Variants in SGCD observed in about 807,000 individuals in gnomAD.
SGCD encodes sarcoglycan delta.
A neutral mutation model predicts 36.6 loss-of-function variants in SGCD; 18 were observed. That is an observed-to-expected ratio of 0.49 (90% confidence interval 0.34 to 0.73). SGCD has a LOEUF of 0.73. Among genes scored for constraint, SGCD ranks in the 30% least tolerant of loss-of-function variants. The pLI is 0.01. For missense variants in SGCD, 387 were observed against 346.7 expected (o/e 1.12, Z -0.92); for synonymous variants, 133 against 130.6 (o/e 1.02, Z -0.12).
intron 3 of SGCD, among the ~76,000 whole-genome samples, chr5:156,242,733 C>A (rs1765335725): frequency 6.6e-6 from 1 of 152,154 alleles, no homozygotes; most frequent in African/African-American, 2.4e-5. Flanking sequence ...AGGCGGACTG[C>A]CCCATGCAGG....
In SGCD at chr5:156,612,231, C is replaced by A. The variant is rs144621770; in HGVS notation, c.502+17180C>A. On this transcript the variant is annotated intron_variant, in intron 6 of 8. Transcript: ENST00000337851. ...GTGGGATAGCTTTTGAAGGGAGAGA[C>A]ATTTTCCTGTAGATGAGTCCTATGA... Among the ~76,000 whole-genome samples the A allele has an allele frequency of 2.5e-3, 375 of 152,252 alleles. 1 individual carries two copies. Among genetic ancestry groups the A allele is most frequent in the Middle Eastern group, 0.01 (3 of 294 alleles).
intron 1 of SGCD, among the ~76,000 whole-genome samples, chr5:156,104,146 C>T (rs548573660): frequency 1.3e-5 from 2 of 152,106 alleles, no homozygotes; most frequent in African/African-American, 4.8e-5. Context: ...TCTCTCTGGA[C>T]CACATACTGG....
the SGCD span, among the ~76,000 whole-genome samples, chr5:155,795,308 A>G: frequency 2.0e-5 from 3 of 152,164 alleles, no homozygotes; most frequent in Non-Finnish European, 4.4e-5. Context: ...ATAGATTAGG[A>G]GTTCATATAG....
chr5:156,389,037 A>G lies in SGCD; in HGVS notation c.192+44360A>G. On this transcript the variant is annotated intron_variant, in intron 3 of 8. Coordinates refer to ENST00000337851, the MANE Select transcript of SGCD (RefSeq NM_000337.6). ...TTATCTAGAGTAAGGCTGACACAGG[A>G]CTTATACATTGCCTCCCATCACACT... 1.3e-5 allele frequency among the ~76,000 whole-genome samples: 2 copies of G among 152,190 alleles called. 1 individual carries two copies. The highest frequency in any genetic ancestry group is 2.9e-5 in the Non-Finnish European group (2 of 68,038).
chr5:156,232,758 G>T (rs1765051384), intron 3 of SGCD, among the ~76,000 whole-genome samples: 1 of 152,096 alleles, frequency 6.6e-6, no homozygotes, highest in African/African-American at 2.4e-5. Context: ...GCAGTTGTGG[G>T]ATTCTGCCTT....
intron 1 of SGCD, among the ~76,000 whole-genome samples, chr5:156,012,808 T>C (rs888130251): frequency 4.0e-5 from 6 of 151,854 alleles, no homozygotes; most frequent in Admixed American, 6.6e-5. Context: ...GAAACGGGGT[T>C]TCACCATGTT....
chr5:156,214,954 T>C (rs377252999), intron 3 of SGCD, among the ~76,000 whole-genome samples: 1 of 152,016 alleles, frequency 6.6e-6, no homozygotes, highest in African/African-American at 2.4e-5. Context: ...AATCAAAATG[T>C]ATTAAAGTCT....
chr5:156,276,373 C>T (rs992994938), intron 3 of SGCD, among the ~76,000 whole-genome samples: 4 of 152,090 alleles, frequency 2.6e-5, no homozygotes, highest in African/African-American at 7.2e-5. Flanking sequence ...TTCAAAACCT[C>T]GACCAAGGTT....
At chr5:156,124,222 T>G (rs1389368130) in intron 3 of SGCD, among the ~76,000 whole-genome samples, 2 of 152,130 alleles carry the variant, frequency 1.3e-5, no homozygotes, top group African/African-American at 4.8e-5. Context: ...TGGTAGAAAC[T>G]GAAGGAAGCC....
At chr5:156,125,358 A>G (rs979469262) in intron 3 of SGCD, among the ~76,000 whole-genome samples, 1 of 151,834 alleles carries the variant, frequency 6.6e-6, no homozygotes, top group African/African-American at 2.4e-5. Flanking sequence ...CTGTCATTTT[A>G]TTTCTGAATT....
chr5:156,270,849 T>C (rs1766157523), intron 3 of SGCD, among the ~76,000 whole-genome samples: 1 of 152,184 alleles, frequency 6.6e-6, no homozygotes, highest in African/African-American at 2.4e-5. Flanking sequence ...TGCCTAGCAC[T>C]CTATTGTTGT....
chr5:156,739,836 C>T (rs1756577300), intron 7 of SGCD: 1 of 152,186 alleles, frequency 6.6e-6, no homozygotes, highest in Non-Finnish European at 1.5e-5. Flanking sequence ...TGTTTAACCG[C>T]TCTGAACCTC....
chr5:156,120,564 T>A (rs1289857417), intron 2 of SGCD, among the ~76,000 whole-genome samples: 3 of 152,178 alleles, frequency 2.0e-5, no homozygotes, highest in South Asian at 2.1e-4. Flanking sequence ...GATTATATAT[T>A]TCATAAACAT....
intron 3 of SGCD, among the ~76,000 whole-genome samples, chr5:156,182,622 G>A (rs1763636126): frequency 6.6e-6 from 1 of 151,878 alleles, no homozygotes; most frequent in Non-Finnish European, 1.5e-5. Context: ...AACAAGCTAG[G>A]GAATCCTGAA....
chr5:155,728,806 C>A, the SGCD span, among the ~76,000 whole-genome samples: 2 of 152,172 alleles, frequency 1.3e-5, no homozygotes, highest in Admixed American at 6.5e-5. Context: ...CGATGCGCCC[C>A]CACCCGGGCG....
intron 6 of SGCD, among the ~76,000 whole-genome samples, chr5:156,639,481 T>G (rs996517501): frequency 2.0e-5 from 3 of 152,194 alleles, no homozygotes; most frequent in African/African-American, 7.2e-5. Flanking sequence ...GGCTGGTGCC[T>G]ATATAAAAGT....
At position 156,725,644 on chromosome 5, in the gene SGCD, A is replaced by G. The variant is rs1302258790; in HGVS notation, c.576-31937A>G. Among the ~76,000 whole-genome samples, 3 of 152,300 alleles carry G rather than the reference A, an allele frequency of 2.0e-5. No individual in the cohort carries two copies. In the East Asian group the frequency reaches 5.8e-4, roughly 29 times the overall value. On this transcript the variant is annotated intron_variant, in intron 7 of 8. Coordinates refer to ENST00000337851, the MANE Select transcript of SGCD (RefSeq NM_000337.6). ...CCCAACCCTAGCCAGAGTGGCCAACAGAGATTGGCCAATTCCACACTCTTG... is the reference window on the plus strand; with the variant it reads ...CCCAACCCTAGCCAGAGTGGCCAACGGAGATTGGCCAATTCCACACTCTTG...
At chr5:156,555,082 C>T (rs1193929096) in intron 4 of SGCD, among the ~76,000 whole-genome samples, 7 of 151,940 alleles carry the variant, frequency 4.6e-5, no homozygotes, top group Non-Finnish European at 1.5e-5. Context: ...AATTGGTTGT[C>T]ATTTTATTGT....
At chr5:155,844,244 T>G in the SGCD span, among the ~76,000 whole-genome samples, 1 of 152,322 alleles carries the variant, frequency 6.6e-6, no homozygotes, top group South Asian at 2.1e-4. Context: ...CCTGCTTTTC[T>G]GGCTTTCTCT....
Sources: gnomAD v4.1 joint callset for allele counts (sites outside exome capture counted in the v4.1 genomes callset) on GRCh38, gnomAD v4.1.1 for gene constraint, MANE v1.5 for transcripts, NCBI Gene and HGNC (gene_info 2026-07-23, HGNC 2026-07-21) for gene names.